Variants in EXOC4 observed in about 807,000 individuals in gnomAD.
The protein encoded by EXOC4 is SEC8-like 1.
Under a neutral mutation model 107.2 loss-of-function variants are expected in EXOC4, and 71 were observed. That is an observed-to-expected ratio of 0.66 (90% CI 0.55 to 0.81). The LOEUF (loss-of-function observed/expected upper bound fraction) is 0.81. Ranked by LOEUF, EXOC4 falls within the 30% of genes least tolerant of loss-of-function variation. The pLI is 0.00. For missense variants in EXOC4, 1,108 were observed against 1,189.6 expected, an observed-to-expected ratio of 0.93 and a Z score of 1.01; for synonymous variants, 456 against 441.2, an observed-to-expected ratio of 1.03 and a Z score of -0.42.
intron 7 of EXOC4, among the ~76,000 whole-genome samples, chr7:133,394,291 T>C (rs1416219084): frequency 6.6e-6 from 1 of 152,254 alleles, no homozygotes; most frequent in Non-Finnish European, 1.5e-5. Context: ...TTTAAATTTT[T>C]GATTTTTCAT....
chr7:134,057,697 T>A (rs1270465842), intron 17 of EXOC4, among the ~76,000 whole-genome samples: 1 of 152,200 alleles, frequency 6.6e-6, no homozygotes. Flanking sequence ...CAATTGCTAC[T>A]GCGTCTTGTC....
intron 10 of EXOC4, among the ~76,000 whole-genome samples, chr7:133,810,591 C>T (rs1291574821): frequency 2.8e-5 from 2 of 71,150 alleles, no homozygotes; most frequent in Non-Finnish European, 6.7e-5. Flanking sequence ...AAGATCCATG[C>T]TTTGCTTTAT....
At chr7:133,939,085 G>A (rs1800369238) in intron 14 of EXOC4, among the ~76,000 whole-genome samples, 1 of 152,168 alleles carries the variant, frequency 6.6e-6, no homozygotes. Flanking sequence ...TGGAGAGATA[G>A]AAACAGGATA....
intron 9 of EXOC4, among the ~76,000 whole-genome samples, chr7:133,597,451 G>A (rs1367617041): frequency 2.0e-5 from 3 of 151,492 alleles, no homozygotes; most frequent in Non-Finnish European, 4.4e-5. Flanking sequence ...CTGCTCGGCA[G>A]GCTGAGGCAG....
At chr7:133,325,384 G>A (rs1377381776) in intron 5 of EXOC4, among the ~76,000 whole-genome samples, 2 of 152,112 alleles carry the variant, frequency 1.3e-5, no homozygotes, top group South Asian at 2.1e-4. Context: ...CTTCCTTCAG[G>A]AGCTCTTGTA....
chr7:133,985,737 G>A (rs1013873300), intron 14 of EXOC4, among the ~76,000 whole-genome samples: 2 of 151,924 alleles, frequency 1.3e-5, no homozygotes, highest in African/African-American at 4.8e-5. Context: ...TCTATATTTT[G>A]TCTGACTTCA....
intron 11 of EXOC4, among the ~76,000 whole-genome samples, chr7:133,839,247 C>T (rs971868112): frequency 1.6e-4 from 24 of 152,162 alleles, no homozygotes; most frequent in Non-Finnish European, 1.2e-4. Flanking sequence ...TGCCTTTCCC[C>T]GAACTCTGAC....
At chr7:133,569,770 A>G (rs1800980711) in intron 9 of EXOC4, among the ~76,000 whole-genome samples, 1 of 152,206 alleles carries the variant, frequency 6.6e-6, no homozygotes, top group Non-Finnish European at 1.5e-5. Context: ...ATTCATGAAG[A>G]TGAATATTAT....
intron 9 of EXOC4, among the ~76,000 whole-genome samples, chr7:133,583,590 T>G (rs893298214): frequency 1.3e-5 from 2 of 152,148 alleles, no homozygotes; most frequent in South Asian, 4.1e-4. Context: ...GATTATCATA[T>G]ATGAAGCTTC....
At chr7:133,862,572 TA>T (rs1460149530) in intron 11 of EXOC4, among the ~76,000 whole-genome samples, 1 of 152,126 alleles carries the variant, frequency 6.6e-6, no homozygotes, top group Non-Finnish European at 1.5e-5. Context: ...ATTGACTGAC[TA>T]AAGTACTAGT....
chr7:133,404,863 C>A (rs1797175804), intron 7 of EXOC4, among the ~76,000 whole-genome samples: 1 of 113,468 alleles, frequency 8.8e-6, no homozygotes, highest in South Asian at 3.8e-4. Context: ...TGCGCCTCCA[C>A]CCCCTGCGCC....
Position 133,475,426 on chromosome 7 carries a change from C to CT in EXOC4, c.1287dup (p.Ala430CysfsTer37), listed in dbSNP as rs747946053. The CT allele has an allele frequency of 2.5e-6, 4 of 1,613,934 alleles. No homozygotes were observed. The highest frequency in any genetic ancestry group is 2.2e-5 in the East Asian group (1 of 44,866). On this transcript the variant is annotated frameshift_variant, in exon 8 of 18. Transcript: ENST00000253861. LOFTEE classifies it high-confidence loss of function. ...CCAGCACTGGACGAGAGTTTGCAGC[C>CT]TTTTTTGCCAAGAAGAAACCTCAAA...
chr7:133,420,260 G>T (rs1797574101), intron 7 of EXOC4, among the ~76,000 whole-genome samples: 1 of 149,784 alleles, frequency 6.7e-6, no homozygotes, highest in African/African-American at 2.5e-5. Flanking sequence ...TGAGAATGAT[G>T]ATTTCCAATT....
rs150973799 is a variant in EXOC4, at chr7:133,344,425, G to T, written c.764-11905G>T. On this transcript the variant is annotated intron_variant, in intron 5 of 17. Transcript: ENST00000253861. ...TTTTGTTTGTTTTTATGATATTGGG[G>T]TGTTTTATAGGATTTTTAGCTCATT... 3.2e-4 allele frequency among the ~76,000 whole-genome samples: 49 copies of T among 152,182 alleles called. 3 individuals carry two copies. Among genetic ancestry groups the T allele is most frequent in the African/African-American group, 1.2e-3 (48 of 41,530 alleles).
chr7:134,024,450 C>CA (rs34739382), intron 17 of EXOC4, among the ~76,000 whole-genome samples: 51,057 of 134,698 alleles, frequency 0.38, 9,224 homozygotes, highest in African/African-American at 0.49. Flanking sequence ...GACTCCATCT[C>CA]AAAAAAAAAA....
chr7:133,982,228 G>A (rs1794001829), intron 14 of EXOC4, among the ~76,000 whole-genome samples: 1 of 152,054 alleles, frequency 6.6e-6, no homozygotes, highest in Admixed American at 6.5e-5. Context: ...ACTTACACAG[G>A]TACCCCTCAG....
intron 7 of EXOC4, among the ~76,000 whole-genome samples, chr7:133,432,016 A>C (rs112752043): frequency 1.8e-3 from 269 of 152,238 alleles, no homozygotes; most frequent in African/African-American, 6.0e-3. Context: ...TATTTAAAAT[A>C]ACATGTTTAA....
chr7:134,099,302 C>A, the EXOC4 span, among the ~76,000 whole-genome samples: 1 of 151,976 alleles, frequency 6.6e-6, no homozygotes, highest in African/African-American at 2.4e-5. Context: ...CCATCCGCCT[C>A]ATGCTTTGTC....
intron 9 of EXOC4, among the ~76,000 whole-genome samples, chr7:133,622,452 T>C (rs1018856218): frequency 6.6e-6 from 1 of 152,118 alleles, no homozygotes; most frequent in African/African-American, 2.4e-5. Context: ...AAGGTGAGGA[T>C]GGGATAAGTA....
Sources: gnomAD v4.1 joint callset for allele counts (sites outside exome capture counted in the v4.1 genomes callset) on GRCh38, gnomAD v4.1.1 for gene constraint, MANE v1.5 for transcripts, NCBI Gene and HGNC (gene_info 2026-07-23, HGNC 2026-07-21) for gene names.